PBX1: variants seen among roughly 807,000 people sequenced by gnomAD.
PBX1 encodes pre-B-cell leukemia transcription factor 1.
PBX1 carries 6 observed loss-of-function variants against 53.4 expected under a neutral mutation model. That is an observed-to-expected ratio of 0.11 (90% CI 0.06 to 0.22). The LOEUF is 0.22. Among genes scored for constraint, PBX1 ranks in the 10% least tolerant of loss-of-function variants. PBX1 has a pLI of 1.00. For missense variants in PBX1, 251 were observed against 551.4 expected (o/e 0.46, Z 5.46); for synonymous variants, 204 against 212.3 (o/e 0.96, Z 0.34).
chr1:164,697,473 T>G (rs1662861716), intron 2 of PBX1, among the ~76,000 whole-genome samples: 1 of 152,236 alleles, frequency 6.6e-6, no homozygotes, highest in South Asian at 2.1e-4. Flanking sequence ...TATTCAACCC[T>G]TAATTTTAAT....
At chr1:164,727,534 T>A (rs1377161468) in intron 2 of PBX1, among the ~76,000 whole-genome samples, 1 of 152,190 alleles carries the variant, frequency 6.6e-6, no homozygotes, top group Non-Finnish European at 1.5e-5. Flanking sequence ...CAGTGGCTTT[T>A]TATTCTTAAG....
At chr1:164,733,774 AAC>A (rs1360261927) in intron 2 of PBX1, among the ~76,000 whole-genome samples, 1 of 152,256 alleles carries the variant, frequency 6.6e-6, no homozygotes, top group Non-Finnish European at 1.5e-5. Flanking sequence ...AAAAATGTTT[AAC>A]AGTCTTATAT....
intron 2 of PBX1, among the ~76,000 whole-genome samples, chr1:164,611,772 A>G (rs1656950681): frequency 6.6e-6 from 1 of 152,168 alleles, no homozygotes; most frequent in Admixed American, 6.5e-5. Flanking sequence ...AAATGGGGAC[A>G]AGCCCATTTT....
intron 2 of PBX1, among the ~76,000 whole-genome samples, chr1:164,565,749 CTTT>C (rs111807009): frequency 4.9e-5 from 7 of 142,978 alleles, no homozygotes; most frequent in African/African-American, 1.0e-4. Context: ...GTTGCAGGAG[CTTT>C]TTTTTTTTTT....
chr1:164,668,735 G>A (rs544634648), intron 2 of PBX1, among the ~76,000 whole-genome samples: 57 of 152,288 alleles, frequency 3.7e-4, no homozygotes, highest in African/African-American at 1.2e-3. Context: ...GGCTCCTCGC[G>A]CCAATGTGGC....
At chr1:164,577,527 A>C in intron 2 of PBX1, among the ~76,000 whole-genome samples, 1 of 152,200 alleles carries the variant, frequency 6.6e-6, no homozygotes, top group East Asian at 1.9e-4. Flanking sequence ...CATCATACAC[A>C]TGCCTAAGCC....
chr1:164,725,358 T>C (rs1357901142), intron 2 of PBX1, among the ~76,000 whole-genome samples: 1 of 152,178 alleles, frequency 6.6e-6, no homozygotes, highest in Non-Finnish European at 1.5e-5. Context: ...TGTCTGCCTG[T>C]GTGTTCACAT....
rs1283135948 is a variant in PBX1, at chr1:164,559,351, T to TG, written c.-464dup. The TG allele has an allele frequency of 2.9e-3, 292 of 99,930 alleles. No individual in the cohort carries two copies. The highest frequency in any genetic ancestry group is 3.6e-3 in the Non-Finnish European group (186 of 50,986). The allele number at this position is 99,930 out of a possible 1,614,324, so 6.2% of individuals were successfully genotyped here. On this transcript the variant is annotated 5_prime_UTR_variant, in exon 1 of 9. Coordinates refer to ENST00000420696, the MANE Select transcript of PBX1 (RefSeq NM_002585.4). ...AGTGGGGGTGGGGGGCAGCGGGGGG[T>TG]GGGGGGGGAAAGTTTGCATTGCAAT...
rs150729679 is a variant in PBX1 at position 164,597,876 on chromosome 1, G to C, written c.265+34565G>C. 3.9e-3 allele frequency among the ~76,000 whole-genome samples: 590 copies of C among 152,028 alleles called. 9 individuals carry two copies. Among genetic ancestry groups the C allele is most frequent in the African/African-American group, 0.013 (539 of 41,436 alleles). ...AATTAATTATTGCTGTACATTTCTG[G>C]AGAGTTCCCCAATTCCTGGGTTTCT... On this transcript the variant is annotated intron_variant, in intron 2 of 8. Coordinates refer to ENST00000420696, the MANE Select transcript of PBX1 (RefSeq NM_002585.4).
chr1:164,803,194 G>A (rs1036229904), intron 4 of PBX1, among the ~76,000 whole-genome samples: 26 of 152,070 alleles, frequency 1.7e-4, no homozygotes, highest in African/African-American at 6.3e-4. Flanking sequence ...CATCAAAGAT[G>A]AAAAAAGTGC....
intron 2 of PBX1, among the ~76,000 whole-genome samples, chr1:164,706,648 T>C (rs1287402768): frequency 2.6e-5 from 4 of 152,186 alleles, no homozygotes; most frequent in Non-Finnish European, 5.9e-5. Flanking sequence ...TGGTGAACTG[T>C]CTTCTCTACA....
intron 2 of PBX1, chr1:164,590,463 T>A: frequency 2.2e-6 from 1 of 455,908 alleles, no homozygotes; most frequent in Non-Finnish European, 4.4e-6. Flanking sequence ...GGGAAGTGAA[T>A]AATGGGGCCT....
intron 2 of PBX1, among the ~76,000 whole-genome samples, chr1:164,661,402 C>G (rs1660480832): frequency 6.6e-6 from 1 of 151,582 alleles, no homozygotes; most frequent in Non-Finnish European, 1.5e-5. Context: ...CTAGGGATCA[C>G]CAGCAATTTC....
chr1:164,857,002 A>T (rs1671992484), intron 2 of PBX1, among the ~76,000 whole-genome samples: 1 of 152,094 alleles, frequency 6.6e-6, no homozygotes, highest in South Asian at 2.1e-4. Flanking sequence ...CTGACAACAG[A>T]TGAGAAGTTT....
intron 2 of PBX1, among the ~76,000 whole-genome samples, chr1:164,878,695 A>C (rs1384089674): frequency 6.6e-6 from 1 of 152,204 alleles, no homozygotes; most frequent in Non-Finnish European, 1.5e-5. Context: ...AAATCTAAAT[A>C]TGAAGACCAT....
chr1:164,703,782 A>C (rs1439821387), intron 2 of PBX1, among the ~76,000 whole-genome samples: 5 of 152,204 alleles, frequency 3.3e-5, no homozygotes. Context: ...AGGAAGGGAA[A>C]GGGATGATTC....
intron 5 of PBX1, among the ~76,000 whole-genome samples, chr1:164,810,118 T>C (rs983000591): frequency 9.2e-5 from 14 of 152,112 alleles, no homozygotes; most frequent in Non-Finnish European, 1.6e-4. Context: ...ACTCATAAAT[T>C]TTACTTCCTA....
Position 164,818,702 on chromosome 1 carries a change from G to T in PBX1, c.998-1370G>T, listed in dbSNP as rs1472696072. 2.0e-5 allele frequency: 3 copies of T among 150,522 alleles called. No individual in the cohort carries two copies. In the East Asian group the frequency reaches 5.9e-4, roughly 29 times the overall value. The allele number at this position is 150,522 out of a possible 1,614,324, so 9.3% of individuals were successfully genotyped here. ...CATCTGCTTTCTCTAAATGGCTCTT[G>T]CCTTTAAAGTATGAAAACACCATGA... is the stretch of plus-strand genomic sequence containing the variant. On this transcript the variant is annotated intron_variant, in intron 6 of 8. Coordinates refer to ENST00000420696, the MANE Select transcript of PBX1 (RefSeq NM_002585.4).
chr1:164,669,491 G>A (rs1661000473), intron 2 of PBX1, among the ~76,000 whole-genome samples: 1 of 152,144 alleles, frequency 6.6e-6, no homozygotes, highest in Admixed American at 6.5e-5. Context: ...AGCAAAACTT[G>A]TTTCACAGAA....
Sources: gnomAD v4.1 joint callset for allele counts (sites outside exome capture counted in the v4.1 genomes callset) on GRCh38, gnomAD v4.1.1 for gene constraint, MANE v1.5 for transcripts, NCBI Gene and HGNC (gene_info 2026-07-23, HGNC 2026-07-21) for gene names.